ANO3: variants seen among roughly 807,000 people sequenced by gnomAD.
ANO3 encodes anoctamin-3.
ANO3 carries 99 observed loss-of-function variants against 144.8 expected under a neutral mutation model. The observed-to-expected ratio is 0.68, with a 90% CI of 0.58 to 0.81. The LOEUF (loss-of-function observed/expected upper bound fraction) is 0.81, where lower values mean the gene tolerates loss of function less well. Ranked by LOEUF, ANO3 falls within the 30% of genes least tolerant of loss-of-function variation. The pLI is 0.00. For synonymous variants in ANO3, 414 were observed against 392.6 expected, an observed-to-expected ratio of 1.05 and a Z score of -0.64; for missense variants, 905 against 1,202.2, an observed-to-expected ratio of 0.75 and a Z score of 3.66.
At chr11:26,502,427 TC>T (rs965148680) in intron 4 of ANO3, among the ~76,000 whole-genome samples, 6 of 152,134 alleles carry the variant, frequency 3.9e-5, no homozygotes, top group Admixed American at 3.3e-4. Flanking sequence ...TAAATTAGAT[TC>T]CAAGTATGTC....
intron 1 of ANO3, among the ~76,000 whole-genome samples, chr11:26,359,212 A>T (rs1399984297): frequency 1.3e-5 from 2 of 152,180 alleles, no homozygotes; most frequent in Non-Finnish European, 2.9e-5. Context: ...AAGGCAGTCA[A>T]ATTAGCTTGG....
At chr11:26,446,938 G>A (rs1305312599) in intron 3 of ANO3, among the ~76,000 whole-genome samples, 4 of 152,054 alleles carry the variant, frequency 2.6e-5, no homozygotes, top group Admixed American at 2.6e-4. Flanking sequence ...GGCTGGGTGT[G>A]GTGGCTCCCA....
intron 1 of ANO3, among the ~76,000 whole-genome samples, chr11:26,436,382 C>T (rs1565023696): frequency 1.3e-5 from 2 of 152,200 alleles, no homozygotes; most frequent in Non-Finnish European, 1.5e-5. Context: ...CAGGGACCCA[C>T]ATAACCAACA....
At chr11:26,473,018 G>T (rs776251441) in intron 4 of ANO3, among the ~76,000 whole-genome samples, 2 of 151,850 alleles carry the variant, frequency 1.3e-5, no homozygotes, top group Non-Finnish European at 2.9e-5. Flanking sequence ...TTTCAGTCAC[G>T]GAAACCCATT....
At chr11:26,489,374 A>G (rs1186501185) in intron 4 of ANO3, among the ~76,000 whole-genome samples, 1 of 152,218 alleles carries the variant, frequency 6.6e-6, no homozygotes, top group Non-Finnish European at 1.5e-5. Flanking sequence ...GATCACCAAG[A>G]AAAAGTTTGT....
chr11:26,376,540 CT>C (rs1050333728), intron 1 of ANO3, among the ~76,000 whole-genome samples: 1 of 151,934 alleles, frequency 6.6e-6, no homozygotes, highest in African/African-American at 2.4e-5. Context: ...GAAACATGTC[CT>C]TCGAAGGCAT....
chr11:26,341,268 C>G lies in ANO3; in HGVS notation c.46+8947C>G, dbSNP rs60041137. ...ATAATTCTCCTTGATTTATATATAGCGAAAATGTGTATTAGGTTTGTGTTT... is the reference window on the plus strand; with the variant it reads ...ATAATTCTCCTTGATTTATATATAGGGAAAATGTGTATTAGGTTTGTGTTT... On this transcript the variant is annotated intron_variant, in intron 1 of 26. Coordinates refer to ENST00000256737, the MANE Select transcript of ANO3 (RefSeq NM_031418.4). Among the ~76,000 whole-genome samples the G allele has an allele frequency of 6.6e-3, 1,004 of 151,778 alleles. 10 individuals carry two copies. The highest frequency in any genetic ancestry group is 0.023 in the African/African-American group (953 of 41,380).
At chr11:26,211,245 T>C (rs1366280970) in intron 1 of ANO3, among the ~76,000 whole-genome samples, 2 of 152,070 alleles carry the variant, frequency 1.3e-5, no homozygotes, top group Non-Finnish European at 2.9e-5. Context: ...AACAACATGC[T>C]CCTGAACAAC....
intron 4 of ANO3, among the ~76,000 whole-genome samples, chr11:26,472,175 G>T (rs189880742): frequency 2.2e-4 from 33 of 152,100 alleles, no homozygotes; most frequent in African/African-American, 7.9e-4. Flanking sequence ...CATGAAAGCA[G>T]CCAGAGAAGA....
chr11:26,402,609 C>G (rs1431550835), intron 1 of ANO3, among the ~76,000 whole-genome samples: 1 of 151,842 alleles, frequency 6.6e-6, no homozygotes, highest in Non-Finnish European at 1.5e-5. Context: ...AACCCAGGAA[C>G]AGAAAACTGA....
intron 1 of ANO3, among the ~76,000 whole-genome samples, chr11:26,386,602 G>C (rs182758862): frequency 2.6e-5 from 4 of 152,254 alleles, no homozygotes; most frequent in South Asian, 2.1e-4. Flanking sequence ...CTGATCCAAC[G>C]TACTGAGAAG....
chr11:26,647,776 T>TATTA lies in ANO3; in HGVS notation c.2497_2500dup (p.Thr834AsnfsTer4). 1 of 1,613,268 alleles carries TATTA rather than the reference T, an allele frequency of 6.2e-7. No homozygotes were observed. Among genetic ancestry groups the TATTA allele is most frequent in the Non-Finnish European group, 8.5e-7 (1 of 1,179,372 alleles). Reference sequence around the variant, plus strand: ...TGATCACCAATGCATTTGTAATTGCTATTACTTCTGATTACATCCCACGTT... The same window carrying TATTA: ...TGATCACCAATGCATTTGTAATTGCTATTAATTACTTCTGATTACATCCCACGTT... On this transcript the variant is annotated frameshift_variant, in exon 24 of 27. Transcript: ENST00000256737. LOFTEE classifies it high-confidence loss of function.
chr11:26,660,661 A>T lies in ANO3; in HGVS notation c.*217A>T. 1 of 469,840 alleles carries T rather than the reference A, an allele frequency of 2.1e-6. No homozygotes were observed. Among genetic ancestry groups the T allele is most frequent in the South Asian group, 3.7e-5 (1 of 27,360 alleles). 29.1% of individuals were successfully genotyped at this position (469,840 alleles called of 1,614,324 possible). ...CGACCTTAAAAAGGGTTAGATTGACATTGCAGGAAGCCAGGATGTAATTCT... is the reference window on the plus strand; with the variant it reads ...CGACCTTAAAAAGGGTTAGATTGACTTTGCAGGAAGCCAGGATGTAATTCT... On this transcript the variant is annotated 3_prime_UTR_variant, in exon 27 of 27. Transcript: ENST00000256737.
chr11:26,541,216 G>T (rs1849634233), intron 10 of ANO3, among the ~76,000 whole-genome samples: 1 of 152,008 alleles, frequency 6.6e-6, no homozygotes, highest in Admixed American at 6.6e-5. Flanking sequence ...AACACCCCAT[G>T]TTCTCACTCA....
chr11:26,291,977 T>A (rs910216116), intron 1 of ANO3, among the ~76,000 whole-genome samples: 5 of 152,178 alleles, frequency 3.3e-5, no homozygotes, highest in African/African-American at 1.2e-4. Flanking sequence ...TTGGGGAAGT[T>A]CTCCCGGGTA....
chr11:26,531,408 C>T, intron 8 of ANO3, 72 bp downstream of exon 8: 2 of 1,475,488 alleles, frequency 1.4e-6, no homozygotes, highest in Non-Finnish European at 1.8e-6. Flanking sequence ...ATAAAAACAC[C>T]TGGGACCATT....
intron 18 of ANO3, among the ~76,000 whole-genome samples, chr11:26,628,269 C>T (rs1177156501): frequency 6.6e-6 from 1 of 152,102 alleles, no homozygotes; most frequent in Non-Finnish European, 1.5e-5. Flanking sequence ...TCAAAACTAC[C>T]TTACAGTGTT....
At chr11:26,253,827 A>C (rs1443586912) in intron 1 of ANO3, among the ~76,000 whole-genome samples, 2 of 152,170 alleles carry the variant, frequency 1.3e-5, no homozygotes, top group Non-Finnish European at 2.9e-5. Flanking sequence ...TCTCTGTGTT[A>C]GAGTGTGTCC....
chr11:26,313,659 C>T (rs1280643399), intron 1 of ANO3, among the ~76,000 whole-genome samples: 2 of 151,448 alleles, frequency 1.3e-5, no homozygotes, highest in African/African-American at 4.9e-5. Flanking sequence ...TGCACTCCAG[C>T]CTGGTGATGA....
Sources: allele counts gnomAD v4.1 joint callset (sites outside exome capture counted in the v4.1 genomes callset), GRCh38; gene constraint gnomAD v4.1.1; transcripts MANE v1.5; gene names NCBI Gene and HGNC (gene_info 2026-07-23, HGNC 2026-07-21).